Variants in LPP observed in about 807,000 individuals in gnomAD.
The protein encoded by LPP is lipoma-preferred partner.
Under a neutral mutation model 60.4 loss-of-function variants are expected in LPP, and 38 were observed. The observed-to-expected ratio is 0.63, with a 90% CI of 0.49 to 0.83. The LOEUF is 0.83. Ranked by LOEUF, LPP falls within the 40% of genes least tolerant of loss-of-function variation. LPP has a pLI of 0.00. For synonymous variants in LPP, 328 were observed against 290.8 expected, an observed-to-expected ratio of 1.13 and a Z score of -1.30; for missense variants, 902 against 783.6, an observed-to-expected ratio of 1.15 and a Z score of -1.80.
At chr3:188,468,457 G>A (rs1275088420) in intron 4 of LPP, among the ~76,000 whole-genome samples, 1 of 152,108 alleles carries the variant, frequency 6.6e-6, no homozygotes, top group Non-Finnish European at 1.5e-5. Context: ...TCTGGATTTG[G>A]CCATTTGGCT....
intron 9 of LPP, among the ~76,000 whole-genome samples, chr3:188,803,933 T>C (rs1748115261): frequency 6.6e-6 from 1 of 152,092 alleles, no homozygotes; most frequent in African/African-American, 2.4e-5. Context: ...TTCCAGTTCA[T>C]GAATATACAT....
At chr3:188,539,336 G>A (rs952705763) in intron 6 of LPP, among the ~76,000 whole-genome samples, 1 of 152,172 alleles carries the variant, frequency 6.6e-6, no homozygotes, top group Admixed American at 6.5e-5. Flanking sequence ...AGAAGCACAT[G>A]GAGGGTGCTT....
intron 4 of LPP, among the ~76,000 whole-genome samples, chr3:188,451,775 A>C (rs557855795): frequency 1.3e-5 from 2 of 152,324 alleles, no homozygotes; most frequent in South Asian, 4.1e-4. Context: ...AGTAGGAGGA[A>C]TATTCAGACA....
At chr3:188,834,525 C>CAAA (rs1757936120) in intron 9 of LPP, among the ~76,000 whole-genome samples, 3 of 151,922 alleles carry the variant, frequency 2.0e-5, no homozygotes, top group African/African-American at 7.3e-5. Context: ...CCTGCTTTCT[C>CAAA]ATCTTTGATC....
intron 6 of LPP, among the ~76,000 whole-genome samples, chr3:188,540,142 G>C (rs1418655596): frequency 6.6e-6 from 1 of 152,096 alleles, no homozygotes; most frequent in African/African-American, 2.4e-5. Context: ...TAGAATTTTG[G>C]TGAACACTGA....
At position 188,610,422 on chromosome 3, in the gene LPP, C is replaced by G. The variant is rs987022277; in HGVS notation, c.1113+578C>G. On this transcript the variant is annotated intron_variant, in intron 7 of 11. Coordinates refer to ENST00000617246, the MANE Select transcript of LPP (RefSeq NM_001375462.1). The surrounding 1 kb of genome is among the most constrained non-coding windows in gnomAD (Gnocchi z 4.4). ...CAAGGACCCAGGAAATGGGTGAGGC[C>G]AAGCAGGTCTAAGATAATGCAAATG... is the stretch of plus-strand genomic sequence containing the variant. Among the ~76,000 whole-genome samples the G allele has an allele frequency of 1.3e-5, 2 of 152,198 alleles. No individual in the cohort carries two copies. Among genetic ancestry groups the G allele is most frequent in the Non-Finnish European group, 2.9e-5 (2 of 68,032 alleles).
At chr3:188,700,092 G>T (rs1864085728) in intron 7 of LPP, among the ~76,000 whole-genome samples, 1 of 152,030 alleles carries the variant, frequency 6.6e-6, no homozygotes. Context: ...CCCTCTGAGG[G>T]AAGGAACCTC....
chr3:188,765,857 A>G (rs1337702281), intron 9 of LPP, among the ~76,000 whole-genome samples: 2 of 122,958 alleles, frequency 1.6e-5, no homozygotes, highest in Non-Finnish European at 3.4e-5. Flanking sequence ...CTTAATGTTC[A>G]ACTCTTTTTT....
intron 7 of LPP, among the ~76,000 whole-genome samples, chr3:188,702,774 CTT>C (rs922057186): frequency 1.8e-4 from 28 of 152,134 alleles, no homozygotes; most frequent in African/African-American, 6.5e-4. Flanking sequence ...TTCACAATGT[CTT>C]TGTTTTGCTA....
rs892343147 is a variant in LPP at position 188,782,965 on chromosome 3, C to G, written c.1410+22683C>G. ...AAAATGAAAGCTGCCAGAAGAAACT[C>G]TTTCAGCTTCTGCTCTCAAATCTGT... On this transcript the variant is annotated intron_variant, in intron 9 of 11. Transcript: ENST00000617246. 2.6e-5 allele frequency among the ~76,000 whole-genome samples: 4 copies of G among 152,152 alleles called. No homozygotes were observed. The South Asian group carries it at 8.3e-4, about 32-fold the overall frequency.
chr3:188,636,250 C>T (rs1848727856), intron 7 of LPP, among the ~76,000 whole-genome samples: 1 of 152,216 alleles, frequency 6.6e-6, no homozygotes, highest in Non-Finnish European at 1.5e-5. Context: ...TCGGGAAGCG[C>T]AAGGGGTCAG....
chr3:188,452,691 G>C (rs1176091886), intron 4 of LPP, among the ~76,000 whole-genome samples: 1 of 152,164 alleles, frequency 6.6e-6, no homozygotes, highest in African/African-American at 2.4e-5. Flanking sequence ...GGTGTTGACA[G>C]GATGCTTGTT....
intron 5 of LPP, among the ~76,000 whole-genome samples, chr3:188,506,450 G>T (rs1162356988): frequency 6.6e-6 from 1 of 152,044 alleles, no homozygotes; most frequent in Non-Finnish European, 1.5e-5. Flanking sequence ...TGTAATCATT[G>T]CATGTACATT....
chr3:188,661,695 C>A (rs1304266902), intron 7 of LPP, among the ~76,000 whole-genome samples: 2 of 152,218 alleles, frequency 1.3e-5, no homozygotes, highest in Admixed American at 6.6e-5. Flanking sequence ...CTTTCTTAAA[C>A]GTGTTGTTTG....
At chr3:188,607,383 AT>A (rs1219190876) in intron 6 of LPP, among the ~76,000 whole-genome samples, 6 of 18,226 alleles carry the variant, frequency 3.3e-4, no homozygotes, top group African/African-American at 1.1e-3. Context: ...ATATATATAT[AT>A]ATATATATAT....
intron 10 of LPP, among the ~76,000 whole-genome samples, chr3:188,871,371 C>T (rs1768043539): frequency 6.6e-6 from 1 of 152,222 alleles, no homozygotes; most frequent in Non-Finnish European, 1.5e-5. Flanking sequence ...CTGATTACTG[C>T]TGCAGTGGTA....
chr3:188,479,113 T>C (rs969527391), intron 4 of LPP, among the ~76,000 whole-genome samples: 4 of 152,176 alleles, frequency 2.6e-5, no homozygotes, highest in African/African-American at 9.6e-5. Flanking sequence ...TTGCTAACCA[T>C]GATTAAAAAA....
intron 9 of LPP, among the ~76,000 whole-genome samples, chr3:188,862,741 G>GAAAAAAAAAAAAAAAAA (rs1560308504): frequency 9.5e-6 from 1 of 105,626 alleles, no homozygotes; most frequent in African/African-American, 3.8e-5. Context: ...ATAAATAAAA[G>GAAAAAAAAAAAAAAAAA]AAAAAAGAAA....
At chr3:188,700,946 A>T (rs1006754951) in intron 7 of LPP, among the ~76,000 whole-genome samples, 6 of 152,230 alleles carry the variant, frequency 3.9e-5, no homozygotes, top group Admixed American at 3.9e-4. Flanking sequence ...TGAAAATAAC[A>T]TGTTACACAT....
Sources: allele counts gnomAD v4.1 joint callset (sites outside exome capture counted in the v4.1 genomes callset), GRCh38; gene constraint gnomAD v4.1.1; non-coding constraint Gnocchi (gnomAD v3.1); transcripts MANE v1.5; gene names NCBI Gene and HGNC (gene_info 2026-07-23, HGNC 2026-07-21).